TRAPPC2L: variants seen among roughly 807,000 people sequenced by gnomAD.
TRAPPC2L encodes the protein trafficking protein particle complex subunit 2L, also known as trafficking protein particle complex subunit 2-like protein.
Under a neutral mutation model 13.2 loss-of-function variants are expected in TRAPPC2L, and 17 were observed. That is an observed-to-expected ratio of 1.29 (90% CI 0.88 to 1.93). The LOEUF (loss-of-function observed/expected upper bound fraction) is 1.93, where lower values mean the gene tolerates loss of function less well. Among genes scored for constraint, TRAPPC2L ranks in the 30% most tolerant of loss-of-function variants. The pLI is 0.00. For missense variants in TRAPPC2L, 359 were observed against 252.1 expected, an observed-to-expected ratio of 1.42 and a Z score of -2.87; for synonymous variants, 150 against 98.1, an observed-to-expected ratio of 1.53 and a Z score of -3.12.
upstream of TRAPPC2L, chr16:88,856,621 T>TC: frequency 6.2e-6 from 2 of 320,428 alleles, no homozygotes; most frequent in Non-Finnish European, 1.2e-5. Context: ...GCGCGGGGCC[T>TC]CCCCCCTTCC....
exon 4 of TRAPPC2L, chr16:88,861,983 T>C: frequency 4.7e-6 from 1 of 210,672 alleles, no homozygotes; most frequent in Non-Finnish European, 9.9e-6. Context: ...GCCCCAGGCC[T>C]CCCCCGCCCC....
exon 4 of TRAPPC2L, chr16:88,861,060 T>C: frequency 8.4e-7 from 1 of 1,192,312 alleles, no homozygotes. Context: ...CGCCTGGGGC[T>C]TTCAGGGCAG....
At chr16:88,861,101 C>T (rs527960125) in exon 4 of TRAPPC2L, 5 of 763,224 alleles carry the variant, frequency 6.6e-6, no homozygotes, top group Admixed American at 2.4e-5. Context: ...AACTAAAGGT[C>T]TTGTGAGAGG....
At chr16:88,856,510 T>C (rs1460993209), upstream of TRAPPC2L, 2 of 697,630 alleles carry the variant, frequency 2.9e-6, no homozygotes, top group Non-Finnish European at 5.2e-6. Flanking sequence ...TGGTGATCGG[T>C]GACCGCCGAG....
rs527794538 is a variant in TRAPPC2L, at chr16:88,857,449, T to C, written c.33+266T>C. The C allele has an allele frequency of 9.9e-4, 433 of 438,236 alleles. 1 individual carries two copies. Among genetic ancestry groups the C allele is most frequent in the Admixed American group, 2.0e-3 (45 of 22,432 alleles). 27.1% of individuals were successfully genotyped at this position (438,236 alleles called of 1,614,324 possible). On this transcript the variant is annotated intron_variant, in intron 1 of 3. Transcript: ENST00000565504. The stretch of plus-strand genomic sequence containing the variant: ...TCCCCGCCAGGACCCACCAGAAACC[T>C]AGGTGGTCCCGGGCACTACCTCCGT...
At chr16:88,862,075 C>T (rs1968426683) in exon 4 of TRAPPC2L, 1 of 159,742 alleles carries the variant, frequency 6.3e-6, no homozygotes, top group African/African-American at 2.4e-5. Flanking sequence ...ACCACTCTCA[C>T]AAGGTTAAAT....
chr16:88,861,140 C>T lies in TRAPPC2L; in HGVS notation c.*816C>T, dbSNP rs538012733. ...TTTGGCTTTTTCCTTCCGTGTCAGC[C>T]AAGGATTTAATTAAGAAGAATTCAA... On this transcript the variant is annotated 3_prime_UTR_variant, in exon 4 of 4. Transcript: ENST00000565504. 6.5e-4 allele frequency: 407 copies of T among 627,008 alleles called. 4 individuals carry two copies. The South Asian group carries it at 7.5e-3, about 11-fold the overall frequency. The allele number at this position is 627,008 out of a possible 1,614,324, so 38.8% of individuals were successfully genotyped here.
At chr16:88,856,605 C>G, upstream of TRAPPC2L, 7 of 567,528 alleles carry the variant, frequency 1.2e-5, no homozygotes, top group South Asian at 1.2e-4. Flanking sequence ...CCCCCTCCTC[C>G]TCCCCGCGCG....
At chr16:88,860,445 A>G in exon 4 of TRAPPC2L, 1 of 604,392 alleles carries the variant, frequency 1.7e-6, no homozygotes, top group Non-Finnish European at 2.9e-6. Flanking sequence ...CCATGCCCAC[A>G]TTCCAGACTT....
exon 4 of TRAPPC2L, chr16:88,861,015 GTCGGTCTGTTCTGGTTGCC>G: frequency 6.5e-7 from 1 of 1,532,858 alleles, no homozygotes; most frequent in African/African-American, 1.4e-5. Context: ...TGGTGGGGCC[GTCGGTCTGTTCTGGTTGCC>G]TCTTCCTGAA....
chr16:88,861,498 C>G lies in TRAPPC2L; in HGVS notation c.*1174C>G, dbSNP rs112323037. The G allele has an allele frequency of 5.5e-3, 2,010 of 366,564 alleles. 11 individuals are homozygous for G. Among genetic ancestry groups the G allele is most frequent in the Middle Eastern group, 0.012 (29 of 2,334 alleles). The allele number at this position is 366,564 out of a possible 1,614,324, so 22.7% of individuals were successfully genotyped here. On this transcript the variant is annotated 3_prime_UTR_variant, in exon 4 of 4. Coordinates refer to ENST00000565504, the Ensembl canonical transcript of TRAPPC2L. ...ATTCCGCCCGGCCTTAAAAGGAGCCCTTGTGAAACCTGGGAAGCCTCGTGG... is the reference window on the plus strand; with the variant it reads ...ATTCCGCCCGGCCTTAAAAGGAGCCGTTGTGAAACCTGGGAAGCCTCGTGG...
upstream of TRAPPC2L, chr16:88,856,556 G>A (rs1304719831): frequency 1.2e-5 from 8 of 677,598 alleles, no homozygotes; most frequent in Non-Finnish European, 1.9e-5. Flanking sequence ...CTCCCCGAGG[G>A]GCCTCCCCCT....
At chr16:88,858,574 T>C (rs72813578) in intron 1 of TRAPPC2L, 45 bp from the exon 2 acceptor site, 37,391 of 1,597,252 alleles carry the variant, frequency 0.023, 519 homozygotes, top group Non-Finnish European at 0.028. Context: ...TGGTGTGCGC[T>C]GGGTGGAGTC....
chr16:88,858,408 C>T (rs1968131416), intron 1 of TRAPPC2L, among the ~76,000 whole-genome samples: 2 of 152,194 alleles, frequency 1.3e-5, no homozygotes, highest in Admixed American at 6.5e-5. Flanking sequence ...CCTACTGCTG[C>T]TGCTTTGCAA....
chr16:88,861,693 G>A lies in TRAPPC2L; in HGVS notation c.*1369G>A, dbSNP rs371244104. 6.5e-5 allele frequency: 31 copies of A among 477,802 alleles called. 1 individual carries two copies. Among genetic ancestry groups the A allele is most frequent in the Middle Eastern group, 4.2e-4 (1 of 2,384 alleles). The allele number at this position is 477,802 out of a possible 1,614,324, so 29.6% of individuals were successfully genotyped here. ...AGCCCATAGTGGCGTCAGTGCCGCC[G>A]GCGTCCTTGGGGTCCAGCGGTCAAG... On this transcript the variant is annotated 3_prime_UTR_variant, in exon 4 of 4. Coordinates refer to ENST00000565504, the Ensembl canonical transcript of TRAPPC2L.
At chr16:88,859,736 A>G (rs1968241676) in exon 3 of TRAPPC2L, 1 of 1,613,662 alleles carries the variant, frequency 6.2e-7, no homozygotes, top group African/African-American at 1.3e-5. Flanking sequence ...CCTTCGAGAC[A>G]ACGAAATTCG....
Position 88,859,799 on chromosome 16 carries a change from C to A in TRAPPC2L, c.294+49C>A, listed in dbSNP as rs1357229885. 3 of 1,591,936 alleles carry A rather than the reference C, an allele frequency of 1.9e-6. No individual in the cohort carries two copies. In the Admixed American group the frequency reaches 5.3e-5, roughly 28 times the overall value. Reference sequence around the variant, plus strand: ...ACGCCCGAGTGGGTGTTTTGTTTTTCCTTTTTGACTTTGTTTTGAAATGCT... The same window carrying A: ...ACGCCCGAGTGGGTGTTTTGTTTTTACTTTTTGACTTTGTTTTGAAATGCT... On this transcript the variant is annotated intron_variant, in intron 3 of 3. Transcript: ENST00000565504.
chr16:88,860,263 C>A (rs1465655610), exon 4 of TRAPPC2L: 1 of 702,334 alleles, frequency 1.4e-6, no homozygotes, highest in Non-Finnish European at 2.6e-6. Context: ...ACCTGCAGGA[C>A]TCAGGGCCAA....
exon 2 of TRAPPC2L, chr16:88,858,675 C>T: frequency 6.2e-7 from 1 of 1,613,552 alleles, no homozygotes; most frequent in Non-Finnish European, 8.5e-7. Context: ...AGTTCCACTA[C>T]ATGGTGCACA....
Sources: allele counts gnomAD v4.1 joint callset (sites outside exome capture counted in the v4.1 genomes callset), GRCh38; gene constraint gnomAD v4.1.1; transcripts MANE v1.5; gene names NCBI Gene and HGNC (gene_info 2026-07-23, HGNC 2026-07-21).